The following SYT6 variants were observed in gnomAD, a reference collection of about 807,000 sequenced individuals.
SYT6 encodes the protein synaptotagmin-6.
Under a neutral mutation model 38.4 loss-of-function variants are expected in SYT6, and 24 were observed. The ratio of observed to expected loss-of-function variants is 0.62; its 90% CI spans 0.45 to 0.88. SYT6 has a LOEUF of 0.88. Ranked by LOEUF, SYT6 falls within the 40% of genes least tolerant of loss-of-function variation. The pLI is 0.00. For missense variants in SYT6, 611 were observed against 621.0 expected (o/e 0.98, Z 0.17); for synonymous variants, 265 against 241.9 (o/e 1.10, Z -0.89).
At chr1:114,140,492 A>C (rs370097207) in intron 1 of SYT6, among the ~76,000 whole-genome samples, 405 of 152,080 alleles carry the variant, frequency 2.7e-3, no homozygotes, top group African/African-American at 9.3e-3. Flanking sequence ...TCTTTATCCC[A>C]TCCCCACTGA....
chr1:114,114,926 C>A (rs1407222909), intron 3 of SYT6, among the ~76,000 whole-genome samples: 1 of 152,222 alleles, frequency 6.6e-6, no homozygotes, highest in Non-Finnish European at 1.5e-5. Context: ...CTGGCCCTCA[C>A]CACTTACTTC....
intron 1 of SYT6, among the ~76,000 whole-genome samples, chr1:114,150,487 T>G (rs1679389854): frequency 6.6e-6 from 1 of 152,152 alleles, no homozygotes. Context: ...CACATAAATT[T>G]CATGGCCACA....
At chr1:114,100,958 T>C (rs529984257) in intron 4 of SYT6, among the ~76,000 whole-genome samples, 103 of 152,272 alleles carry the variant, frequency 6.8e-4, no homozygotes, top group African/African-American at 2.3e-3. Context: ...TTCCATATCA[T>C]GAGGCTTGGA....
chr1:114,138,251 T>C (rs971366009), intron 2 of SYT6, among the ~76,000 whole-genome samples, 198 bp from the exon 3 acceptor site: 3 of 152,184 alleles, frequency 2.0e-5, no homozygotes, highest in Non-Finnish European at 2.9e-5. Flanking sequence ...TCTTAATATA[T>C]GTAAAGTAGT....
chr1:114,149,883 G>A (rs1557773088), intron 1 of SYT6, among the ~76,000 whole-genome samples: 1 of 152,120 alleles, frequency 6.6e-6, no homozygotes, highest in Non-Finnish European at 1.5e-5. Context: ...ATGAGGTTGT[G>A]TCATTATACT....
chr1:114,126,055 G>C (rs1051391706), intron 3 of SYT6, among the ~76,000 whole-genome samples: 1 of 152,144 alleles, frequency 6.6e-6, no homozygotes, highest in Non-Finnish European at 1.5e-5. Context: ...GGGAAGGAAA[G>C]AGTGAAAACA....
chr1:114,101,579 T>C (rs1356079476), intron 4 of SYT6, among the ~76,000 whole-genome samples: 3 of 152,194 alleles, frequency 2.0e-5, no homozygotes, highest in Non-Finnish European at 2.9e-5. Flanking sequence ...GTTTAGATCA[T>C]TGAGAATAGG....
At chr1:114,098,502 A>C (rs1327622406) in intron 5 of SYT6, among the ~76,000 whole-genome samples, 1 of 152,192 alleles carries the variant, frequency 6.6e-6, no homozygotes, top group Non-Finnish European at 1.5e-5. Context: ...GAAGAGACGA[A>C]AAATATCTGA....
At chr1:114,100,489 G>T (rs1215245644) in intron 4 of SYT6, among the ~76,000 whole-genome samples, 1 of 152,226 alleles carries the variant, frequency 6.6e-6, no homozygotes, top group Non-Finnish European at 1.5e-5. Context: ...TGTGACACCT[G>T]ATCAGAAACT....
chr1:114,100,660 A>T (rs1206509919), intron 4 of SYT6, among the ~76,000 whole-genome samples: 1 of 152,102 alleles, frequency 6.6e-6, no homozygotes, highest in Admixed American at 6.5e-5. Context: ...ATTTGAAAGG[A>T]CCCTCTCTTA....
intron 3 of SYT6, among the ~76,000 whole-genome samples, chr1:114,128,048 A>G (rs1677846084): frequency 6.6e-6 from 1 of 152,216 alleles, no homozygotes; most frequent in Non-Finnish European, 1.5e-5. Context: ...CTGCTCAAAG[A>G]GGGCCACAGG....
rs922322081 is a variant in SYT6 at position 114,090,039 on chromosome 1, G to C, written c.*2095C>G. ...GATGACAGCTGGACATGAATTTTGA[G>C]TTCACTTCCAGAAGGACCTTCTCAC... On this transcript the variant is annotated 3_prime_UTR_variant, in exon 8 of 8. Coordinates refer to ENST00000610222, the MANE Select transcript of SYT6 (RefSeq NM_001253772.2). 6.6e-6 allele frequency: 1 copy of C among 152,358 alleles called. No individual in the cohort carries two copies. The highest frequency in any genetic ancestry group is 2.4e-5 in the African/African-American group (1 of 41,454). The allele number at this position is 152,358 out of a possible 1,614,324, so 9.4% of individuals were successfully genotyped here. A position where few individuals can be genotyped will look rare whatever the true frequency, so the allele number is the denominator to read the frequency against.
chr1:114,116,211 G>A (rs1676987445), intron 3 of SYT6, among the ~76,000 whole-genome samples: 1 of 152,206 alleles, frequency 6.6e-6, no homozygotes, highest in Admixed American at 6.5e-5. Context: ...TCTCACGAAA[G>A]TCACCTGTTA....
At position 114,103,865 on chromosome 1, in the gene SYT6, C is replaced by T. The variant is rs549043278; in HGVS notation, c.1072-144G>A. On this transcript the variant is annotated intron_variant, in intron 3 of 7. Coordinates refer to ENST00000610222, the MANE Select transcript of SYT6 (RefSeq NM_001253772.2). ...GTGTTTTTAAGACTAAGGGACTGGC[C>T]TCCATGCTGCAAGTAACAGGGTATA... 7 of 1,031,140 alleles carry T rather than the reference C, an allele frequency of 6.8e-6. No individual in the cohort carries two copies. In the African/African-American group the frequency reaches 1.1e-4, roughly 17 times the overall value. 63.9% of individuals were successfully genotyped at this position (1,031,140 alleles called of 1,614,324 possible). A position where few individuals can be genotyped will look rare whatever the true frequency, so the allele number is the denominator to read the frequency against.
chr1:114,099,100 T>C lies in SYT6; in HGVS notation c.1358A>G (p.Tyr453Cys), dbSNP rs1373524594. The stretch of plus-strand genomic sequence containing the variant: ...CTCTAGGACGCCTACCTACCGATCA[T>C]AGTCCATGACTGAGATGAGCAGGCT... ...QVSLLISVMD[Y>C]DRVGHNEIIG... Residue 453 changes from tyrosine to cysteine, a missense_variant, in exon 5 of 8, where the codon TAT (tyrosine) becomes TGT (cysteine). Tyr to Cys is a radical substitution (Grantham distance 194, BLOSUM62 -2). Coordinates refer to ENST00000610222, the MANE Select transcript of SYT6 (RefSeq NM_001253772.2). The C allele has an allele frequency of 2.5e-6, 4 of 1,612,506 alleles. No individual in the cohort carries two copies. Among genetic ancestry groups the C allele is most frequent in the Non-Finnish European group, 3.4e-6 (4 of 1,179,124 alleles).
chr1:114,136,966 C>G (rs908998294), intron 3 of SYT6, among the ~76,000 whole-genome samples: 1 of 152,180 alleles, frequency 6.6e-6, no homozygotes, highest in Non-Finnish European at 1.5e-5. Flanking sequence ...TTGCCACTTC[C>G]TCTTCCTCCT....
rs181661216 is a variant in SYT6, at chr1:114,097,113, C to T, written c.1515+614G>A. On this transcript the variant is annotated intron_variant, in intron 6 of 7. Transcript: ENST00000610222. ...GTCAGGAGGGGCCAAGATTGCAGCCCAAGTCTTGGGACTCCCAGCCCAGTG... is the reference window on the plus strand; with the variant it reads ...GTCAGGAGGGGCCAAGATTGCAGCCTAAGTCTTGGGACTCCCAGCCCAGTG... Among the ~76,000 whole-genome samples, 245 of 152,308 alleles carry T rather than the reference C, an allele frequency of 1.6e-3. 2 individuals carry two copies. The highest frequency in any genetic ancestry group is 2.8e-3 in the Non-Finnish European group (191 of 68,024).
At chr1:114,114,828 A>C (rs972123806) in intron 3 of SYT6, among the ~76,000 whole-genome samples, 8 of 152,210 alleles carry the variant, frequency 5.3e-5, no homozygotes, top group Non-Finnish European at 8.8e-5. Context: ...TGCCAAGCAA[A>C]AGTTAAGGCA....
intron 4 of SYT6, among the ~76,000 whole-genome samples, chr1:114,103,198 C>CCCTTCCGGAAGT (rs377050160): frequency 0.019 from 2,890 of 152,270 alleles, 82 homozygotes; most frequent in African/African-American, 0.066. Context: ...AACGACATAA[C>CCCTTCCGGAAGT]CCTGGGGCCT....
Sources: gnomAD v4.1 joint callset for allele counts (sites outside exome capture counted in the v4.1 genomes callset) on GRCh38, gnomAD v4.1.1 for gene constraint, MANE v1.5 for transcripts, NCBI Gene and HGNC (gene_info 2026-07-23, HGNC 2026-07-21) for gene names.